The following RRBP1 variants were observed in gnomAD, a reference collection of about 807,000 sequenced individuals.
RRBP1 encodes ribosome-binding protein 1.
A neutral mutation model predicts 165.2 loss-of-function variants in RRBP1; 94 were observed. That is an observed-to-expected ratio of 0.57 (90% CI 0.48 to 0.68). The LOEUF (loss-of-function observed/expected upper bound fraction) is 0.68. Among genes scored for constraint, RRBP1 ranks in the 30% least tolerant of loss-of-function variants. RRBP1 has a pLI of 0.00. For missense variants in RRBP1, 1,676 were observed against 1,763.0 expected, an observed-to-expected ratio of 0.95 and a Z score of 0.88; for synonymous variants, 680 against 714.5, an observed-to-expected ratio of 0.95 and a Z score of 0.77.
rs763729225 is a variant in RRBP1 at position 17,636,734 on chromosome 20, G to C, written c.2185-5C>G. On this transcript the variant is annotated splice_polypyrimidine_tract_variant and splice_region_variant and intron_variant, in intron 5 of 24. Transcript: ENST00000377813. Reference sequence around the variant, plus strand: ...GGCCTTTTCTGCTGCCATCTCCTGGGGGGAAAGTAGCAGAGAGAGGGGCTG... The same window carrying C: ...GGCCTTTTCTGCTGCCATCTCCTGGCGGGAAAGTAGCAGAGAGAGGGGCTG... The C allele has an allele frequency of 6.8e-6, 11 of 1,612,476 alleles. No homozygotes were observed. The highest frequency in any genetic ancestry group is 1.3e-5 in the African/African-American group (1 of 74,958).
rs770836576 is a variant in RRBP1 at position 17,615,551 on chromosome 20, G to A, written c.3952-22C>T. The A allele has an allele frequency of 1.5e-5, 24 of 1,580,350 alleles. No individual in the cohort carries two copies. In the East Asian group the frequency reaches 3.0e-4, roughly 20 times the overall value. On this transcript the variant is annotated intron_variant, in intron 22 of 24. Coordinates refer to ENST00000377813, the MANE Select transcript of RRBP1 (RefSeq NM_001365613.2). Reference sequence around the variant, plus strand: ...GAGCCTTGCCGGAGAGGGAAGTGAGGTCTGGGTGAGACGTCTTATAAACGG... The same window carrying A: ...GAGCCTTGCCGGAGAGGGAAGTGAGATCTGGGTGAGACGTCTTATAAACGG...
At chr20:17,652,837 C>T (rs538208312) in intron 3 of RRBP1, among the ~76,000 whole-genome samples, 22 of 152,346 alleles carry the variant, frequency 1.4e-4, no homozygotes, top group Admixed American at 6.5e-4. Context: ...ATGGTCACAG[C>T]CGCCAATGTT....
chr20:17,643,205 A>C lies in RRBP1; in HGVS notation c.1913-78T>G, dbSNP rs1030111803. The stretch of plus-strand genomic sequence containing the variant: ...CGTGGCCACAATGCCCATCACACCA[A>C]GAAGGTTCTGGTCACAGCCACGAAG... On this transcript the variant is annotated intron_variant, in intron 3 of 24. Transcript: ENST00000377813. The surrounding 1 kb of genome is among the most constrained non-coding windows in gnomAD (Gnocchi z 4.3). The C allele has an allele frequency of 6.7e-7, 1 of 1,488,160 alleles. No individual in the cohort carries two copies. Among genetic ancestry groups the C allele is most frequent in the Non-Finnish European group, 9.1e-7 (1 of 1,093,428 alleles). 92.2% of individuals were successfully genotyped at this position (1,488,160 alleles called of 1,614,324 possible).
At chr20:17,677,936 C>T (rs184413552) in intron 2 of RRBP1, among the ~76,000 whole-genome samples, 1 of 152,312 alleles carries the variant, frequency 6.6e-6, no homozygotes, top group Admixed American at 6.5e-5. Flanking sequence ...TTATGCCACC[C>T]AAGAACACTG....
chr20:17,628,133 A>T (rs966832078), intron 9 of RRBP1, among the ~76,000 whole-genome samples: 1 of 151,406 alleles, frequency 6.6e-6, no homozygotes, highest in African/African-American at 2.4e-5. Context: ...CCAGGGGGTG[A>T]CTCTTCTGCC....
In RRBP1 at chr20:17,636,108, C is replaced by T. The variant is rs549647360; in HGVS notation, c.2338-444G>A. ...GTCGCAGCCCACTATGAGCAGGGTGCAGGCTTCAGACTTTGACTACAGGGC... is the reference window on the plus strand; with the variant it reads ...GTCGCAGCCCACTATGAGCAGGGTGTAGGCTTCAGACTTTGACTACAGGGC... On this transcript the variant is annotated intron_variant, in intron 6 of 24. Coordinates refer to ENST00000377813, the MANE Select transcript of RRBP1 (RefSeq NM_001365613.2). Among the ~76,000 whole-genome samples the T allele has an allele frequency of 2.9e-3, 444 of 152,374 alleles. 2 individuals are homozygous for T. Among genetic ancestry groups the T allele is most frequent in the Non-Finnish European group, 4.5e-3 (309 of 68,038 alleles).
rs1568768811 is a variant in RRBP1, at chr20:17,640,101, T to A, written c.2184+1696A>T. Among the ~76,000 whole-genome samples the A allele has an allele frequency of 2.6e-5, 4 of 152,170 alleles. No individual in the cohort carries two copies. In the South Asian group the frequency reaches 8.3e-4, roughly 31 times the overall value. Reference sequence around the variant, plus strand: ...TGGCCTGGCCCTCTCAGTGGCCACTTGATCACTGGCGGCCTGCTAGGCTGA... The same window carrying A: ...TGGCCTGGCCCTCTCAGTGGCCACTAGATCACTGGCGGCCTGCTAGGCTGA... On this transcript the variant is annotated intron_variant, in intron 5 of 24. Transcript: ENST00000377813.
Position 17,616,806 on chromosome 20 carries a change from C to A in RRBP1, c.3793G>T (p.Val1265Leu). 1 of 1,613,308 alleles carries A rather than the reference C, an allele frequency of 6.2e-7. No homozygotes were observed. The highest frequency in any genetic ancestry group is 8.5e-7 in the Non-Finnish European group (1 of 1,179,722). The change falls in exon 21 of 25, where the codon GTA becomes TTA. Residue 1265 changes from valine (V) to leucine (L), a missense_variant. Around this residue, in one of 5 missense-constraint regions of RRBP1, gnomAD observed 1,184 missense variants for 1,167.1 expected, o/e 1.01. Coordinates refer to ENST00000377813, the MANE Select transcript of RRBP1 (RefSeq NM_001365613.2). ...GCCCCAGCTATGTCACCATCCTCTA[C>A]GTGGCTCTTCATTTCACTCAACTGC... ...RQQLSEMKSHVEDGDIAGAPA... is the reference protein window; with the variant it reads ...RQQLSEMKSHLEDGDIAGAPA...
intron 2 of RRBP1, among the ~76,000 whole-genome samples, chr20:17,677,843 A>AG (rs963301872): frequency 1.4e-4 from 22 of 152,198 alleles, no homozygotes; most frequent in African/African-American, 5.1e-4. Context: ...TTGTCTCAAA[A>AG]AAAAAGAGAA....
chr20:17,615,280 C>T, intron 23 of RRBP1, 151 bp downstream of exon 23: 2 of 627,328 alleles, frequency 3.2e-6, no homozygotes, highest in South Asian at 2.1e-5. Context: ...AGTCCCCACC[C>T]CAGCCCCGGG....
chr20:17,616,767 G>GGGA lies in RRBP1; in HGVS notation c.3829_3831dup (p.Ser1277dup). 2 of 1,612,662 alleles carry GGGA rather than the reference G, an allele frequency of 1.2e-6. No individual in the cohort carries two copies. Among genetic ancestry groups the GGGA allele is most frequent in the Non-Finnish European group, 1.7e-6 (2 of 1,179,518 alleles). On this transcript the variant is annotated inframe_insertion, in exon 21 of 25. Transcript: ENST00000377813. ...TCCTGCTCGGCTGGGGGCGCCTCTG[G>GGGA]GGAGGAAGCTGGGGCCCCAGCTATG...
rs113622651 is a variant in RRBP1 at position 17,675,815 on chromosome 20, C to T, written c.-22+4184G>A. 6.2e-3 allele frequency among the ~76,000 whole-genome samples: 943 copies of T among 152,270 alleles called. 13 individuals are homozygous for T. The highest frequency in any genetic ancestry group is 0.021 in the African/African-American group (889 of 41,534). The stretch of plus-strand genomic sequence containing the variant: ...GACCTTGACCAAGGAGGGTCTTGAA[C>T]AGAGGAGTGACATGGTCTGCTCTGG... On this transcript the variant is annotated intron_variant, in intron 2 of 24. Transcript: ENST00000377813.
At chr20:17,623,911 G>A (rs754121154) in intron 13 of RRBP1, among the ~76,000 whole-genome samples, 6 of 150,874 alleles carry the variant, frequency 4.0e-5, no homozygotes, top group Admixed American at 2.0e-4. Context: ...CAGCCTGGGC[G>A]ACAGAGCAAG....
chr20:17,633,761 G>A, intron 7 of RRBP1, 148 bp from the exon 8 acceptor site: 2 of 750,532 alleles, frequency 2.7e-6, no homozygotes, highest in Non-Finnish European at 4.3e-6. Flanking sequence ...TCCATTATCA[G>A]CTGTGTGGGG....
chr20:17,631,206 A>T (rs1247464095), intron 8 of RRBP1, among the ~76,000 whole-genome samples: 1 of 152,222 alleles, frequency 6.6e-6, no homozygotes, highest in Non-Finnish European at 1.5e-5. Flanking sequence ...CCCGGGCAGG[A>T]GCCTGCCTTG....
At chr20:17,644,302 G>A (rs1349752477) in intron 3 of RRBP1, among the ~76,000 whole-genome samples, 1 of 152,136 alleles carries the variant, frequency 6.6e-6, no homozygotes, top group African/African-American at 2.4e-5. Flanking sequence ...GGTCATGGGT[G>A]CCACGAAAAC....
Position 17,641,708 on chromosome 20 carries a change from T to C in RRBP1, c.2184+89A>G, listed in dbSNP as rs971985499. On this transcript the variant is annotated intron_variant, in intron 5 of 24. Coordinates refer to ENST00000377813, the MANE Select transcript of RRBP1 (RefSeq NM_001365613.2). ...GCTACGTTCCAGGCAGGCCCCAGCA[T>C]CTCGGAGCCCGGGATCCACCGTGGA... The C allele has an allele frequency of 1.3e-5, 20 of 1,511,738 alleles. No homozygotes were observed. Among genetic ancestry groups the C allele is most frequent in the African/African-American group, 6.8e-5 (5 of 73,108 alleles). 93.6% of individuals were successfully genotyped at this position (1,511,738 alleles called of 1,614,324 possible).
chr20:17,624,372 C>T (rs1164608879), intron 13 of RRBP1, among the ~76,000 whole-genome samples: 1 of 152,168 alleles, frequency 6.6e-6, no homozygotes, highest in Admixed American at 6.5e-5. Flanking sequence ...CCTAGTGCCT[C>T]TGTGTGTCCT....
chr20:17,637,381 G>T (rs987378705), intron 5 of RRBP1, among the ~76,000 whole-genome samples: 2 of 152,180 alleles, frequency 1.3e-5, no homozygotes, highest in African/African-American at 4.8e-5. Flanking sequence ...ATCCCAGAGG[G>T]ATGGCCTCAA....
Sources: gnomAD v4.1 joint callset for allele counts (sites outside exome capture counted in the v4.1 genomes callset) on GRCh38, gnomAD v4.1.1 for gene constraint, gnomAD v4.1.1 regional missense constraint, Gnocchi (gnomAD v3.1) non-coding constraint, MANE v1.5 for transcripts, NCBI Gene and HGNC (gene_info 2026-07-23, HGNC 2026-07-21) for gene names.